Variants in ANGPT2 observed in about 807,000 individuals in gnomAD.
ANGPT2 encodes the protein angiopoietin-2.
ANGPT2 carries 28 observed loss-of-function variants against 62.9 expected under a neutral mutation model. That is an observed-to-expected ratio of 0.44 (90% CI 0.33 to 0.61). ANGPT2 has a LOEUF of 0.61. Among genes scored for constraint, ANGPT2 ranks in the 20% least tolerant of loss-of-function variants. ANGPT2 has a pLI of 0.03. For synonymous variants in ANGPT2, 284 were observed against 207.8 expected (o/e 1.37, Z -3.15); for missense variants, 727 against 594.9 (o/e 1.22, Z -2.31).
intron 3 of ANGPT2, among the ~76,000 whole-genome samples, chr8:6,523,399 T>G (rs1000467209): frequency 3.3e-5 from 5 of 152,238 alleles, no homozygotes; most frequent in African/African-American, 9.6e-5. Flanking sequence ...TAATTTCAAC[T>G]TATAAACATA....
intron 1 of ANGPT2, among the ~76,000 whole-genome samples, chr8:6,546,332 C>T (rs933638111): frequency 6.6e-6 from 1 of 152,158 alleles, no homozygotes; most frequent in Non-Finnish European, 1.5e-5. Context: ...ACCGTTTCAA[C>T]AGTATCAGCT....
Position 6,532,506 on chromosome 8 carries a change from A to G in ANGPT2, c.289-19T>C, listed in dbSNP as rs2515481. ...TCTCAAGCTAGAAAAGAACAGTGTT[A>G]GAAGGCAGTCATTAGTCAAATGACC... On this transcript the variant is annotated intron_variant, in intron 1 of 8. Transcript: ENST00000629816. 619,336 of 1,590,536 alleles carry G rather than the reference A, an allele frequency of 0.39. 122,868 individuals carry two copies. Among genetic ancestry groups the G allele is most frequent in the Non-Finnish European group, 0.41 (475,784 of 1,168,176 alleles).
At chr8:6,532,303 C>T (rs1819670815) in intron 2 of ANGPT2, 29 bp downstream of exon 2, 15 of 1,613,770 alleles carry the variant, frequency 9.3e-6, no homozygotes, top group Non-Finnish European at 1.3e-5. Flanking sequence ...GCTGCAGGGA[C>T]ACCGTGTGCT....
intron 3 of ANGPT2, among the ~76,000 whole-genome samples, chr8:6,522,239 C>T (rs1817496878): frequency 6.6e-6 from 1 of 152,056 alleles, no homozygotes; most frequent in South Asian, 2.1e-4. Flanking sequence ...CCTGTAGTCA[C>T]AGCTACTCTG....
intron 1 of ANGPT2, among the ~76,000 whole-genome samples, chr8:6,538,721 T>C (rs1001449950): frequency 2.0e-5 from 3 of 152,316 alleles, no homozygotes; most frequent in Admixed American, 6.5e-5. Flanking sequence ...ATTTGTGTCA[T>C]TTCATTTTAA....
At chr8:6,503,659 G>A (rs2916702) in intron 8 of ANGPT2, among the ~76,000 whole-genome samples, 49,880 of 152,026 alleles carry the variant, frequency 0.33, 8,542 homozygotes, top group Middle Eastern at 0.46. Context: ...GGCTGGACTC[G>A]CTCAGGCTCC....
chr8:6,530,851 C>G (rs1341478077), intron 2 of ANGPT2, among the ~76,000 whole-genome samples: 1 of 152,212 alleles, frequency 6.6e-6, no homozygotes, highest in Non-Finnish European at 1.5e-5. Flanking sequence ...CTGTGTCCTT[C>G]TAGAATGAGT....
chr8:6,528,446 T>A (rs1818796593), intron 2 of ANGPT2, among the ~76,000 whole-genome samples: 1 of 152,244 alleles, frequency 6.6e-6, no homozygotes, highest in African/African-American at 2.4e-5. Context: ...AAAATATAGA[T>A]AATTTTTAGC....
At chr8:6,520,701 C>A (rs1817160092) in intron 4 of ANGPT2, among the ~76,000 whole-genome samples, 1 of 152,144 alleles carries the variant, frequency 6.6e-6, no homozygotes, top group Non-Finnish European at 1.5e-5. Context: ...TGGCCCTTCC[C>A]TCCAATATAT....
intron 1 of ANGPT2, among the ~76,000 whole-genome samples, chr8:6,555,449 C>CG (rs140049089): frequency 0.038 from 5,613 of 148,286 alleles, 186 homozygotes; most frequent in African/African-American, 0.088. Flanking sequence ...ATTTGTTTTA[C>CG]GGGGGGTGGT....
chr8:6,526,447 C>G (rs1435701672), intron 3 of ANGPT2, among the ~76,000 whole-genome samples: 1 of 151,178 alleles, frequency 6.6e-6, no homozygotes, highest in Non-Finnish European at 1.5e-5. Context: ...AAAAAAAACA[C>G]AGAAAAGAAA....
Position 6,514,614 on chromosome 8 carries a change from A to G in ANGPT2, c.1029+63T>C, listed in dbSNP as rs1815872338. 3 of 1,436,108 alleles carry G rather than the reference A, an allele frequency of 2.1e-6. No individual in the cohort carries two copies. In the East Asian group the frequency reaches 6.8e-5, roughly 33 times the overall value. 89.0% of individuals were successfully genotyped at this position (1,436,108 alleles called of 1,614,324 possible). ...TTGGGATTGGTGGTTAAGGTTCCGC[A>G]GATCTTGAAAGCTATTTTTCACAAG... On this transcript the variant is annotated intron_variant, in intron 6 of 8. Transcript: ENST00000629816.
intron 7 of ANGPT2, among the ~76,000 whole-genome samples, chr8:6,510,842 T>A (rs1202638047): frequency 6.6e-6 from 1 of 152,208 alleles, no homozygotes; most frequent in Non-Finnish European, 1.5e-5. Flanking sequence ...CCCTAGAAAC[T>A]TCATCCTAAG....
chr8:6,555,937 G>T (rs1348917129), intron 1 of ANGPT2, among the ~76,000 whole-genome samples: 2 of 152,162 alleles, frequency 1.3e-5, no homozygotes, highest in Non-Finnish European at 2.9e-5. Context: ...ACATAGAAGG[G>T]CTGGCATCTC....
rs1489705525 is a variant in ANGPT2, at chr8:6,501,167, A to G, written c.*1934T>C. On this transcript the variant is annotated 3_prime_UTR_variant, in exon 9 of 9. Coordinates refer to ENST00000629816, the MANE Select transcript of ANGPT2 (RefSeq NM_001118887.2). ...TGGAAAAGTGCACCTTGGTGGAAAT[A>G]AAACAGAGCCTTGACTTTGCCAGAG... 2.0e-5 allele frequency: 3 copies of G among 152,238 alleles called. No individual in the cohort carries two copies. Among genetic ancestry groups the G allele is most frequent in the Non-Finnish European group, 4.4e-5 (3 of 68,048 alleles). 9.4% of individuals were successfully genotyped at this position (152,238 alleles called of 1,614,324 possible). A position where few individuals can be genotyped will look rare whatever the true frequency, so the allele number is the denominator to read the frequency against.
chr8:6,561,011 G>T (rs1417837742), intron 1 of ANGPT2, among the ~76,000 whole-genome samples: 1 of 152,218 alleles, frequency 6.6e-6, no homozygotes, highest in African/African-American at 2.4e-5. Flanking sequence ...TGTAACCACG[G>T]TGGATGTGGG....
intron 5 of ANGPT2, among the ~76,000 whole-genome samples, chr8:6,516,227 A>G (rs554795915): frequency 6.4e-4 from 97 of 152,370 alleles, no homozygotes; most frequent in African/African-American, 2.3e-3. Context: ...CTGTATTGCT[A>G]TGATTTTTAT....
chr8:6,529,622 A>AC (rs1819066491), intron 2 of ANGPT2, among the ~76,000 whole-genome samples: 1 of 135,446 alleles, frequency 7.4e-6, no homozygotes, highest in African/African-American at 2.8e-5. Flanking sequence ...ACGCCTGGCT[A>AC]ATTTTTTTTT....
At chr8:6,533,186 G>T (rs550278451) in intron 1 of ANGPT2, among the ~76,000 whole-genome samples, 1 of 152,130 alleles carries the variant, frequency 6.6e-6, no homozygotes, top group South Asian at 2.1e-4. Context: ...ACGTGCCATG[G>T]GCTGGTTCTT....
Sources: allele counts gnomAD v4.1 joint callset (sites outside exome capture counted in the v4.1 genomes callset), GRCh38; gene constraint gnomAD v4.1.1; transcripts MANE v1.5; gene names NCBI Gene and HGNC (gene_info 2026-07-23, HGNC 2026-07-21).